CCDC33: variants seen among roughly 807,000 people sequenced by gnomAD.
CCDC33 encodes the protein coiled-coil domain-containing protein 33.
In CCDC33, 94 loss-of-function variants were observed where a neutral mutation model predicts 91.9. That is an observed-to-expected ratio of 1.02 (90% confidence interval 0.87 to 1.21). CCDC33 has a LOEUF of 1.21. Ranked by LOEUF, CCDC33 falls within the 50% of genes most tolerant of loss-of-function variation. CCDC33 has a pLI of 0.00. For synonymous variants in CCDC33, 396 were observed against 374.5 expected, an observed-to-expected ratio of 1.06 and a Z score of -0.66; for missense variants, 940 against 935.5, an observed-to-expected ratio of 1.00 and a Z score of -0.06.
At chr15:74,207,834 C>T (rs752325346) in intron 1 of CCDC33, 46 of 1,533,826 alleles carry the variant, frequency 3.0e-5, no homozygotes, top group Non-Finnish European at 3.5e-5. Flanking sequence ...CGCACACATA[C>T]GTGCTTAATT....
At chr15:74,233,971 A>T (rs1168088670), upstream of CCDC33, among the ~76,000 whole-genome samples, 2 of 152,168 alleles carry the variant, frequency 1.3e-5, no homozygotes, top group Non-Finnish European at 2.9e-5. Context: ...TCTCTGGAAG[A>T]CAGACACACT....
chr15:74,258,463 A>G (rs985210404), intron 2 of CCDC33, among the ~76,000 whole-genome samples: 1 of 152,146 alleles, frequency 6.6e-6, no homozygotes, highest in Non-Finnish European at 1.5e-5. Flanking sequence ...GCTTTGAGGG[A>G]GCCAGAGGCC....
intron 2 of CCDC33, among the ~76,000 whole-genome samples, chr15:74,247,538 C>T (rs553502409): frequency 1.3e-5 from 2 of 152,002 alleles, no homozygotes; most frequent in Admixed American, 6.5e-5. Flanking sequence ...CTGCCATTTG[C>T]GATAATGCAG....
chr15:74,244,688 C>G lies in CCDC33; in HGVS notation c.185+540C>G, dbSNP rs1047496437. The stretch of plus-strand genomic sequence containing the variant: ...CCAGCTGCTGTCAGGGTACACACTT[C>G]CCCAGCCTGGCACCAAGGCCTGCCA... On this transcript the variant is annotated intron_variant, in intron 2 of 18. Coordinates refer to ENST00000398814, the MANE Select transcript of CCDC33 (RefSeq NM_025055.5). The surrounding 1 kb of genome is among the most constrained non-coding windows in gnomAD (Gnocchi z 4.2). 1.3e-5 allele frequency among the ~76,000 whole-genome samples: 2 copies of G among 152,192 alleles called. No individual in the cohort carries two copies. The highest frequency in any genetic ancestry group is 2.9e-5 in the Non-Finnish European group (2 of 68,034).
intron 10 of CCDC33, among the ~76,000 whole-genome samples, chr15:74,291,833 G>T (rs968811877): frequency 6.6e-6 from 1 of 152,196 alleles, no homozygotes; most frequent in African/African-American, 2.4e-5. Flanking sequence ...CCATTGGCCT[G>T]GTCTGTCTCA....
At chr15:74,328,317 G>A (rs1250363460) in intron 11 of CCDC33, among the ~76,000 whole-genome samples, 1 of 152,208 alleles carries the variant, frequency 6.6e-6, no homozygotes, top group East Asian at 1.9e-4. Context: ...GTGGAGGAGA[G>A]CAGCAGCCTC....
In CCDC33 at chr15:74,289,937, C is replaced by T. The variant is rs115953097; in HGVS notation, c.1096-5817C>T. Among the ~76,000 whole-genome samples the T allele has an allele frequency of 5.8e-3, 887 of 152,300 alleles. 10 individuals carry two copies. Among genetic ancestry groups the T allele is most frequent in the African/African-American group, 0.02 (834 of 41,554 alleles). ...ACATTGAACACTCCCTTCCCTTGCT[C>T]TGCTCTCCCTGTGAGCCCAGTGCAT... On this transcript the variant is annotated intron_variant, in intron 10 of 18. Transcript: ENST00000398814.
chr15:74,294,762 A>G (rs1462603989), intron 10 of CCDC33, among the ~76,000 whole-genome samples: 28 of 147,610 alleles, frequency 1.9e-4, no homozygotes, highest in African/African-American at 6.1e-4. Context: ...AAAAAAAAAG[A>G]AAAAAAAATA....
chr15:74,244,128 G>A lies in CCDC33; in HGVS notation c.165G>A (p.Glu55=). ...TNLPACKDGS[E]PWPYVVVKST... is the part of the protein sequence containing the mutation. ...TGCCTGCCTGCAAGGATGGCTCCGA[G>A]CCGTGGCCCTATGTGGTGGTGTAAG... The change falls in exon 2 of 19, where the codon GAG becomes GAA. Residue 55 remains glutamate (E), a synonymous_variant. Coordinates refer to ENST00000398814, the MANE Select transcript of CCDC33 (RefSeq NM_025055.5). This position sits in a 1 kb window ranked among gnomAD's most constrained non-coding sequence, Gnocchi z 4.2. 1 of 1,613,220 alleles carries A rather than the reference G, an allele frequency of 6.2e-7. No homozygotes were observed. The highest frequency in any genetic ancestry group is 8.5e-7 in the Non-Finnish European group (1 of 1,179,462).
At chr15:74,210,416 A>C (rs1000412321) in intron 2 of CCDC33, among the ~76,000 whole-genome samples, 52 of 152,360 alleles carry the variant, frequency 3.4e-4, no homozygotes, top group Admixed American at 2.3e-3. Context: ...AACAGTAACC[A>C]AGAAAGCAAG....
At chr15:74,298,422 C>T (rs1049967227) in intron 11 of CCDC33, among the ~76,000 whole-genome samples, 1 of 152,108 alleles carries the variant, frequency 6.6e-6, no homozygotes, top group Non-Finnish European at 1.5e-5. Context: ...ATTAGAATAA[C>T]ATGGGTAGAG....
chr15:74,245,788 GA>G (rs2075509082), intron 2 of CCDC33, among the ~76,000 whole-genome samples: 1 of 151,802 alleles, frequency 6.6e-6, no homozygotes, highest in African/African-American at 2.4e-5. Context: ...GGGGGGAGGG[GA>G]AAGCACTTCG....
rs1343520427 is a variant in CCDC33 at position 74,244,444 on chromosome 15, A to G, written c.185+296A>G. ...CAGTGGGGCAGGTTCCTTGTATGCA[A>G]AAGTCTGGGCTGGGCTCATGGGCAT... On this transcript the variant is annotated intron_variant, in intron 2 of 18. Transcript: ENST00000398814. The surrounding 1 kb of genome is among the most constrained non-coding windows in gnomAD (Gnocchi z 4.2). Among the ~76,000 whole-genome samples, 2 of 152,016 alleles carry G rather than the reference A, an allele frequency of 1.3e-5. No homozygotes were observed. Among genetic ancestry groups the G allele is most frequent in the Admixed American group, 6.5e-5 (1 of 15,274 alleles).
At chr15:74,248,163 G>T (rs1436484272) in intron 2 of CCDC33, among the ~76,000 whole-genome samples, 1 of 152,130 alleles carries the variant, frequency 6.6e-6, no homozygotes, top group Non-Finnish European at 1.5e-5. Context: ...AGGTAACTGT[G>T]AGGTGATAGA....
chr15:74,295,971 G>T, intron 11 of CCDC33, 23 bp downstream of exon 11: 2 of 1,590,004 alleles, frequency 1.3e-6, no homozygotes, highest in Non-Finnish European at 1.7e-6. Context: ...CCCCAGGTGG[G>T]AAGGGCCGGG....
intron 1 of CCDC33, among the ~76,000 whole-genome samples, chr15:74,205,744 T>TC (rs2074245623): frequency 6.6e-6 from 1 of 152,050 alleles, no homozygotes; most frequent in African/African-American, 2.4e-5. Flanking sequence ...CACAGTCCCT[T>TC]CCCCACCCCC....
chr15:74,269,346 G>A (rs2076254161), intron 5 of CCDC33, among the ~76,000 whole-genome samples: 1 of 152,156 alleles, frequency 6.6e-6, no homozygotes, highest in African/African-American at 2.4e-5. Context: ...GCCTGGCAGG[G>A]AAGGAAGCAT....
chr15:74,262,490 C>T lies in CCDC33; in HGVS notation c.236C>T (p.Ser79Phe). 2 of 1,614,124 alleles carry T rather than the reference C, an allele frequency of 1.2e-6. No homozygotes were observed. The highest frequency in any genetic ancestry group is 8.5e-7 in the Non-Finnish European group (1 of 1,180,008). ...AATCAGAGCTCCAAGGCAGTCACAT[C>T]TGTGACCTCAGAGCCCACCAGAGCC... The part of the protein sequence containing the change: ...KNNQSSKAVT[S>F]VTSEPTRAPI... The change falls in exon 3 of 19, where the codon TCT (serine) becomes TTT (phenylalanine). Residue 79 changes from serine (S) to phenylalanine (F), a missense_variant. Ser to Phe is a radical substitution (Grantham distance 155). Transcript: ENST00000398814.
At chr15:74,212,918 A>C (rs1225976892), upstream of CCDC33, 1 of 152,166 alleles carries the variant, frequency 6.6e-6, no homozygotes, top group Non-Finnish European at 1.5e-5. Flanking sequence ...GGCCACAAAT[A>C]AATTCTCAGG....
Sources: allele counts gnomAD v4.1 joint callset (sites outside exome capture counted in the v4.1 genomes callset), GRCh38; gene constraint gnomAD v4.1.1; non-coding constraint Gnocchi (gnomAD v3.1); transcripts MANE v1.5; gene names NCBI Gene and HGNC (gene_info 2026-07-23, HGNC 2026-07-21).